The following LAMTOR2 variants were observed in gnomAD, a reference collection of about 807,000 sequenced individuals.
The protein encoded by LAMTOR2 is late endosomal/lysosomal adaptor, MAPK and MTOR activator 2, also known as ragulator complex protein LAMTOR2.
LAMTOR2 carries 4 observed loss-of-function variants against 15.8 expected under a neutral mutation model. The ratio of observed to expected loss-of-function variants is 0.25; its 90% confidence interval spans 0.12 to 0.58. The LOEUF is 0.58. Ranked by LOEUF, LAMTOR2 falls within the 20% of genes least tolerant of loss-of-function variation. The probability of loss-of-function intolerance (pLI) is 0.91; values close to 1 mark genes in which losing one functional copy is unlikely to be tolerated. For missense variants in LAMTOR2, 100 were observed against 161.0 expected (o/e 0.62, Z 2.05); for synonymous variants, 62 against 64.1 (o/e 0.97, Z 0.15).
intron 3 of LAMTOR2, 65 bp from the exon 4 acceptor site, chr1:156,058,250 G>T (rs1446093846): frequency 3.1e-6 from 5 of 1,606,668 alleles, no homozygotes; most frequent in Non-Finnish European, 4.3e-6. Context: ...ACTGGGAGCA[G>T]ACCTGGATTT....
chr1:156,054,845 C>T lies in LAMTOR2; in HGVS notation c.-45C>T. ...AGCGGGCAGCGGCCCGCGGGAGGCA[C>T]CTCGGAGATCTGGGTGCAAAAGCCC... On this transcript the variant is annotated 5_prime_UTR_variant, in exon 1 of 4. Transcript: ENST00000368305. The T allele has an allele frequency of 6.2e-7, 1 of 1,600,134 alleles. No homozygotes were observed. The highest frequency in any genetic ancestry group is 2.2e-5 in the East Asian group (1 of 44,484).
Position 156,055,762 on chromosome 1 carries a change from G to T in LAMTOR2, c.231+337G>T. The T allele has an allele frequency of 2.7e-6, 1 of 371,444 alleles. No individual in the cohort carries two copies. The highest frequency in any genetic ancestry group is 5.2e-6 in the Non-Finnish European group (1 of 193,622). The allele number at this position is 371,444 out of a possible 1,614,324, so 23.0% of individuals were successfully genotyped here. ...CCTCTCCCCGCTCCCCTCATGGGTT[G>T]TTGTGAAGGTCAGATGAAATAATGG... On this transcript the variant is annotated intron_variant, in intron 2 of 3. Transcript: ENST00000368305. This position sits in a 1 kb window ranked among gnomAD's most constrained non-coding sequence, Gnocchi z 4.8.
chr1:156,057,190 A>G (rs1366188690), intron 2 of LAMTOR2, among the ~76,000 whole-genome samples: 1 of 148,000 alleles, frequency 6.8e-6, no homozygotes, highest in Non-Finnish European at 1.5e-5. Context: ...AAAAAAAAAA[A>G]AAAAAAGAAA....
intron 3 of LAMTOR2, 72 bp downstream of exon 3, chr1:156,058,139 A>G (rs1376355541): frequency 5.9e-6 from 9 of 1,530,356 alleles, no homozygotes; most frequent in African/African-American, 1.4e-5. Flanking sequence ...CACTCCCACC[A>G]GGACCCTGTT....
chr1:156,058,093 G>T (rs1647431911), intron 3 of LAMTOR2, 26 bp downstream of exon 3: 1 of 1,608,888 alleles, frequency 6.2e-7, no homozygotes, highest in Non-Finnish European at 8.5e-7. Context: ...TCCCTCCATA[G>T]CCCTGGGCCC....
Position 156,057,964 on chromosome 1 carries a change from A to C in LAMTOR2, c.232-14A>C. The stretch of plus-strand genomic sequence containing the variant: ...CAAGCAGAACATCACATCCCATCAT[A>C]TCACCCCCACCAGGAGGGCCGTGTA... On this transcript the variant is annotated splice_polypyrimidine_tract_variant and intron_variant, in intron 2 of 3. Coordinates refer to ENST00000368305, the MANE Select transcript of LAMTOR2 (RefSeq NM_014017.4). 6.2e-7 allele frequency: 1 copy of C among 1,613,338 alleles called. No individual in the cohort carries two copies. The highest frequency in any genetic ancestry group is 8.5e-7 in the Non-Finnish European group (1 of 1,179,386).
rs2102764132 is a variant in LAMTOR2, at chr1:156,055,649, A to G, written c.231+224A>G. ...TCTGACTTGGGTTCTGGTCTCAGCCATCCACTTATCAGTTGTGGAACCTTG... is the reference window on the plus strand; with the variant it reads ...TCTGACTTGGGTTCTGGTCTCAGCCGTCCACTTATCAGTTGTGGAACCTTG... On this transcript the variant is annotated intron_variant, in intron 2 of 3. Transcript: ENST00000368305. The surrounding 1 kb of genome is among the most constrained non-coding windows in gnomAD (Gnocchi z 4.8). 1 of 583,418 alleles carries G rather than the reference A, an allele frequency of 1.7e-6. No individual in the cohort carries two copies. The highest frequency in any genetic ancestry group is 2.9e-5 in the East Asian group (1 of 34,100). The allele number at this position is 583,418 out of a possible 1,614,324, so 36.1% of individuals were successfully genotyped here. A position where few individuals can be genotyped will look rare whatever the true frequency, so the allele number is the denominator to read the frequency against.
chr1:156,055,366 C>T lies in LAMTOR2; in HGVS notation c.172C>T (p.Arg58Trp). 1.9e-6 allele frequency: 3 copies of T among 1,614,230 alleles called. No homozygotes were observed. Among genetic ancestry groups the T allele is most frequent in the African/African-American group, 1.3e-5 (1 of 75,066 alleles). ...CAGTAACATCTGGGCCGCCTACGAC[C>T]GGAACGGGAACCAAGCGTTTAATGA... ...IASNIWAAYD[R>W]NGNQAFNEDN... is the part of the protein sequence containing the mutation. Residue 58 changes from arginine to tryptophan, a missense_variant, in exon 2 of 4, where the codon CGG (arginine) becomes TGG (tryptophan). Physicochemically the swap from Arg to Trp is moderately radical, Grantham distance 101. Transcript: ENST00000368305. This position sits in a 1 kb window ranked among gnomAD's most constrained non-coding sequence, Gnocchi z 4.8.
In LAMTOR2 at chr1:156,058,427, G is replaced by C. The variant is rs878972026; in HGVS notation, c.*56G>C. 6.3e-7 allele frequency: 1 copy of C among 1,585,560 alleles called. No individual in the cohort carries two copies. The highest frequency in any genetic ancestry group is 8.7e-7 in the Non-Finnish European group (1 of 1,154,358). The stretch of plus-strand genomic sequence containing the variant: ...AGAAATGACCATTTGGAGGGGCGGG[G>C]CCTCCTAGAAGAACCTTCTTAGACA... On this transcript the variant is annotated 3_prime_UTR_variant, in exon 4 of 4. Transcript: ENST00000368305.
rs537430403 is a variant in LAMTOR2 at position 156,057,313 on chromosome 1, T to A, written c.232-665T>A. Among the ~76,000 whole-genome samples the A allele has an allele frequency of 2.4e-4, 36 of 151,944 alleles. No individual in the cohort carries two copies. The South Asian group carries it at 7.3e-3, about 31-fold the overall frequency. On this transcript the variant is annotated intron_variant, in intron 2 of 3. Transcript: ENST00000368305. ...TTCAAGACCAGCCTTGGTGACCTAA[T>A]AAGACCCCATCTCTACAAAAAAAAT...
rs1286873118 is a variant in LAMTOR2, at chr1:156,058,335, C to T, written c.342C>T (p.Tyr114=). Residue 114 remains tyrosine (Y), a synonymous_variant, in exon 4 of 4, where the codon TAC becomes TAT. Transcript: ENST00000368305. ...TGCAGGCCCAGGCTTTGGTGCAGTA[C>T]CTGGAGGAGCCCCTCACCCAAGTGG... is the stretch of plus-strand genomic sequence containing the variant. ...LKAKAQALVQ[Y]LEEPLTQVAA... is the part of the protein sequence containing the mutation. 1 of 1,614,114 alleles carries T rather than the reference C, an allele frequency of 6.2e-7. No individual in the cohort carries two copies. The highest frequency in any genetic ancestry group is 1.1e-5 in the South Asian group (1 of 91,078).
rs895203212 is a variant in LAMTOR2 at position 156,055,485 on chromosome 1, T to C, written c.231+60T>C. ...CAAAGGGGATCCCAAGGGGGCGACC[T>C]GGACCCCATCCTGGATGGTTGGAGG... On this transcript the variant is annotated intron_variant, in intron 2 of 3. Transcript: ENST00000368305. The surrounding 1 kb of genome is among the most constrained non-coding windows in gnomAD (Gnocchi z 4.8). 10 of 1,595,018 alleles carry C rather than the reference T, an allele frequency of 6.3e-6. No homozygotes were observed. The highest frequency in any genetic ancestry group is 6.0e-6 in the Non-Finnish European group (7 of 1,163,858).
chr1:156,058,456 G>C lies in LAMTOR2; in HGVS notation c.*85G>C, dbSNP rs188468056. 2.2e-5 allele frequency: 31 copies of C among 1,392,984 alleles called. No homozygotes were observed. Among genetic ancestry groups the C allele is most frequent in the African/African-American group, 1.4e-4 (10 of 70,366 alleles). The allele number at this position is 1,392,984 out of a possible 1,614,324, so 86.3% of individuals were successfully genotyped here. A position where few individuals can be genotyped will look rare whatever the true frequency, so the allele number is the denominator to read the frequency against. On this transcript the variant is annotated 3_prime_UTR_variant, in exon 4 of 4. Transcript: ENST00000368305. ...CCTAGAAGAACCTTCTTAGACAATG[G>C]GGGGAGGATGGGACTTTGTTTTTTC...
rs1647279960 is a variant in LAMTOR2 at position 156,054,906 on chromosome 1, C to T, written c.17C>T (p.Ala6Val). Residue 6 changes from alanine (A) to valine (V), a missense_variant, in exon 1 of 4, where the codon GCT (alanine) becomes GTT (valine). Ala to Val is a moderately conservative substitution (Grantham distance 64). Transcript: ENST00000368305. MLRPK[A>V]LTQVLSQANT... is the part of the protein sequence containing the mutation. Reference sequence around the variant, plus strand: ...ACCGTAGGCATGCTGCGCCCCAAGGCTTTGACCCAGGTGCTAAGCCAAGCC... The same window carrying T: ...ACCGTAGGCATGCTGCGCCCCAAGGTTTTGACCCAGGTGCTAAGCCAAGCC... 6.2e-7 allele frequency: 1 copy of T among 1,613,050 alleles called. No individual in the cohort carries two copies. The highest frequency in any genetic ancestry group is 8.5e-7 in the Non-Finnish European group (1 of 1,179,840).
At position 156,055,446 on chromosome 1, in the gene LAMTOR2, C is replaced by A. The variant is rs776427662; in HGVS notation, c.231+21C>A. ...GCATGGTATGGAGAGGGGAGCCAGA[C>A]TTCCCCTGTCCCCCAAAGGGGATCC... On this transcript the variant is annotated intron_variant, in intron 2 of 3. Coordinates refer to ENST00000368305, the MANE Select transcript of LAMTOR2 (RefSeq NM_014017.4). The surrounding 1 kb of genome is among the most constrained non-coding windows in gnomAD (Gnocchi z 4.8). The A allele has an allele frequency of 7.4e-6, 12 of 1,614,004 alleles. No individual in the cohort carries two copies. The highest frequency in any genetic ancestry group is 1.0e-5 in the Non-Finnish European group (12 of 1,179,920).
rs374223127 is a variant in LAMTOR2, at chr1:156,058,111, G to T, written c.321+44G>T. ...CTCCATAGCCCTGGGCCCAGCCTTC[G>T]TGCTTCTACACTGTGTTCACTCCCA... is the stretch of plus-strand genomic sequence containing the variant. On this transcript the variant is annotated intron_variant, in intron 3 of 3. Transcript: ENST00000368305. 4.2e-5 allele frequency: 67 copies of T among 1,587,794 alleles called. No homozygotes were observed. In the African/African-American group the frequency reaches 7.3e-4, roughly 17 times the overall value.
rs1647431042 is a variant in LAMTOR2 at position 156,058,061 on chromosome 1, G to A, written c.315G>A (p.Lys105=). The A allele has an allele frequency of 6.2e-7, 1 of 1,614,020 alleles. No individual in the cohort carries two copies. Among genetic ancestry groups the A allele is most frequent in the Non-Finnish European group, 8.5e-7 (1 of 1,180,010 alleles). The change falls in exon 3 of 4, where the codon AAG becomes AAA. Residue 105 remains lysine (K), a synonymous_variant. Transcript: ENST00000368305. ...AGACCGTGGGCTTTGGAATGCTCAA[G>A]GCCAAGGTGTGTATGTGCCCATCCC... The part of the protein sequence containing the change: ...AKETVGFGML[K]AKAQALVQYL...
rs576303599 is a variant in LAMTOR2, at chr1:156,055,057, C to A, written c.68+100C>A. ...GAAGGATCACCAGGAAGGGAGGAAG[C>A]GGCAGAGGGGGCAGCGGCTGGGGAT... On this transcript the variant is annotated intron_variant, in intron 1 of 3. Transcript: ENST00000368305. The surrounding 1 kb of genome is among the most constrained non-coding windows in gnomAD (Gnocchi z 4.8). 3.2e-5 allele frequency: 46 copies of A among 1,428,614 alleles called. No homozygotes were observed. In the East Asian group the frequency reaches 6.6e-4, roughly 20 times the overall value. 88.5% of individuals were successfully genotyped at this position (1,428,614 alleles called of 1,614,324 possible).
At chr1:156,054,983 G>A (rs1370144103) in intron 1 of LAMTOR2, 26 bp downstream of exon 1, 4 of 1,606,372 alleles carry the variant, frequency 2.5e-6, no homozygotes, top group Non-Finnish European at 3.4e-6. Context: ...GGACCCGAGC[G>A]GCGAGCGCTG....
Sources: gnomAD v4.1 joint callset for allele counts (sites outside exome capture counted in the v4.1 genomes callset) on GRCh38, gnomAD v4.1.1 for gene constraint, Gnocchi (gnomAD v3.1) non-coding constraint, MANE v1.5 for transcripts, NCBI Gene and HGNC (gene_info 2026-07-23, HGNC 2026-07-21) for gene names.